GABBR2: variants seen among roughly 807,000 people sequenced by gnomAD.
GABBR2 encodes the protein gamma-aminobutyric acid type B receptor subunit 2, also known as G-protein coupled receptor 51.
GABBR2 carries 23 observed loss-of-function variants against 105.6 expected under a neutral mutation model. That is an observed-to-expected ratio of 0.22 (90% CI 0.16 to 0.31). The LOEUF (loss-of-function observed/expected upper bound fraction) is 0.31, where lower values mean the gene tolerates loss of function less well. Ranked by LOEUF, GABBR2 falls within the 10% of genes least tolerant of loss-of-function variation. GABBR2 has a pLI of 1.00. For missense variants in GABBR2, 734 were observed against 1,245.5 expected (o/e 0.59, Z 6.18); for synonymous variants, 478 against 499.7 (o/e 0.96, Z 0.58).
chr9:98,671,660 AT>A (rs1830408904), intron 1 of GABBR2, among the ~76,000 whole-genome samples: 1 of 152,200 alleles, frequency 6.6e-6, no homozygotes, highest in Admixed American at 6.5e-5. Flanking sequence ...ACTTGTTATT[AT>A]CTGACTTTGG....
At chr9:98,680,851 C>G (rs72731081) in intron 1 of GABBR2, among the ~76,000 whole-genome samples, 5 of 152,272 alleles carry the variant, frequency 3.3e-5, no homozygotes, top group African/African-American at 1.2e-4. Flanking sequence ...TATAATGTGT[C>G]ATTTCAAGTA....
intron 6 of GABBR2, among the ~76,000 whole-genome samples, chr9:98,455,829 G>A (rs1302266900): frequency 1.3e-5 from 2 of 152,196 alleles, no homozygotes; most frequent in Non-Finnish European, 2.9e-5. Context: ...GCCCCCGGCT[G>A]TGAACCTTGC....
chr9:98,321,476 C>T (rs1209280228), intron 13 of GABBR2, among the ~76,000 whole-genome samples: 1 of 152,188 alleles, frequency 6.6e-6, no homozygotes, highest in Non-Finnish European at 1.5e-5. Context: ...GTGGCATTGC[C>T]CGGGAGTGCA....
intron 7 of GABBR2, among the ~76,000 whole-genome samples, chr9:98,445,277 A>G (rs1826106081): frequency 1.3e-5 from 2 of 152,358 alleles, no homozygotes; most frequent in East Asian, 3.9e-4. Flanking sequence ...CCTACAGGCT[A>G]CTGCAACTGG....
chr9:98,559,540 T>C (rs1051196011), intron 2 of GABBR2, among the ~76,000 whole-genome samples: 26 of 152,374 alleles, frequency 1.7e-4, no homozygotes, highest in African/African-American at 6.3e-4. Context: ...AAGAGATTTA[T>C]TTATTCTAAT....
chr9:98,696,355 T>A (rs1484353426), intron 1 of GABBR2, among the ~76,000 whole-genome samples: 1 of 151,874 alleles, frequency 6.6e-6, no homozygotes, highest in African/African-American at 2.4e-5. Flanking sequence ...ATGCTGGGAG[T>A]GGGCAGGGCA....
chr9:98,503,297 G>A (rs537969272), intron 3 of GABBR2, among the ~76,000 whole-genome samples: 1 of 152,330 alleles, frequency 6.6e-6, no homozygotes, highest in East Asian at 1.9e-4. Flanking sequence ...GCTTGAGGGA[G>A]GCTGTCGGAA....
At chr9:98,509,211 G>A (rs1827582826) in intron 3 of GABBR2, among the ~76,000 whole-genome samples, 1 of 152,176 alleles carries the variant, frequency 6.6e-6, no homozygotes, top group Non-Finnish European at 1.5e-5. Context: ...TGAGGGTCCT[G>A]TCCGTTAGAA....
At chr9:98,294,161 A>C (rs1341207806) in intron 17 of GABBR2, among the ~76,000 whole-genome samples, 1 of 152,226 alleles carries the variant, frequency 6.6e-6, no homozygotes, top group Admixed American at 6.5e-5. Context: ...TTCCAAGAAC[A>C]AAAAGGGGAA....
chr9:98,439,830 G>A (rs1363950880), intron 7 of GABBR2, among the ~76,000 whole-genome samples: 1 of 152,178 alleles, frequency 6.6e-6, no homozygotes, highest in Non-Finnish European at 1.5e-5. Context: ...TGTCATCCTT[G>A]CACTAATTCA....
At chr9:98,315,665 A>AC (rs371218824) in intron 13 of GABBR2, among the ~76,000 whole-genome samples, 1 of 152,074 alleles carries the variant, frequency 6.6e-6, no homozygotes, top group Non-Finnish European at 1.5e-5. Flanking sequence ...CCACCCCCCA[A>AC]CCCCCAGTGC....
chr9:98,541,550 T>C (rs544518452), intron 3 of GABBR2, among the ~76,000 whole-genome samples: 2 of 151,294 alleles, frequency 1.3e-5, no homozygotes, highest in Admixed American at 1.3e-4. Context: ...TGGTAGAACT[T>C]TGTGATCTTA....
chr9:98,346,190 G>A (rs937891787), intron 13 of GABBR2, among the ~76,000 whole-genome samples: 2 of 152,146 alleles, frequency 1.3e-5, no homozygotes, highest in Admixed American at 6.5e-5. Flanking sequence ...TTTCGTAAAT[G>A]ATTTCTTTGT....
At chr9:98,446,774 C>T (rs16916139) in intron 7 of GABBR2, among the ~76,000 whole-genome samples, 2,431 of 152,242 alleles carry the variant, frequency 0.016, 66 homozygotes, top group African/African-American at 0.056. Context: ...GCATTGGACG[C>T]TAGCATGGGG....
intron 1 of GABBR2, among the ~76,000 whole-genome samples, chr9:98,631,682 C>T (rs2779542): frequency 0.13 from 20,326 of 152,194 alleles, 1,784 homozygotes; most frequent in East Asian, 0.45. Flanking sequence ...AACTCATCTC[C>T]CTCCCAAATA....
intron 7 of GABBR2, among the ~76,000 whole-genome samples, chr9:98,440,612 AAAG>A (rs1311076802): frequency 2.0e-5 from 3 of 152,314 alleles, no homozygotes; most frequent in South Asian, 2.1e-4. Context: ...TCCCATTGAG[AAAG>A]AAGAAGGAGG....
chr9:98,361,658 G>A (rs550115591), intron 13 of GABBR2, among the ~76,000 whole-genome samples: 145 of 152,246 alleles, frequency 9.5e-4, no homozygotes, highest in Middle Eastern at 3.4e-3. Flanking sequence ...TGCCCCCTTG[G>A]CCCGTGGGCA....
chr9:98,296,163 G>A (rs1830379154), intron 17 of GABBR2, among the ~76,000 whole-genome samples: 1 of 152,202 alleles, frequency 6.6e-6, no homozygotes, highest in South Asian at 2.1e-4. Flanking sequence ...AGCCCGCATG[G>A]ATGAGGTTAG....
intron 1 of GABBR2, among the ~76,000 whole-genome samples, chr9:98,676,670 G>A (rs1219902152): frequency 6.6e-6 from 1 of 152,122 alleles, no homozygotes; most frequent in Non-Finnish European, 1.5e-5. Flanking sequence ...ACTTCAATGA[G>A]GGCAAATCCT....
Sources: allele counts gnomAD v4.1 joint callset (sites outside exome capture counted in the v4.1 genomes callset), GRCh38; gene constraint gnomAD v4.1.1; transcripts MANE v1.5; gene names NCBI Gene and HGNC (gene_info 2026-07-23, HGNC 2026-07-21).